RAB37: variants seen among roughly 807,000 people sequenced by gnomAD.
RAB37 encodes the protein RAB37, member RAS oncogene family, also known as ras-related protein Rab-37.
A neutral mutation model predicts 33.1 loss-of-function variants in RAB37; 29 were observed. The observed-to-expected ratio is 0.88, with a 90% confidence interval of 0.65 to 1.20. RAB37 has a LOEUF of 1.20. Ranked by LOEUF, RAB37 falls within the 50% of genes most tolerant of loss-of-function variation. The pLI is 0.00. For missense variants in RAB37, 299 were observed against 301.1 expected (o/e 0.99, Z 0.05); for synonymous variants, 128 against 119.5 (o/e 1.07, Z -0.47).
chr17:74,716,005 C>G (rs779556618), intron 1 of RAB37, among the ~76,000 whole-genome samples: 34 of 152,138 alleles, frequency 2.2e-4, no homozygotes, highest in Non-Finnish European at 3.7e-4. Context: ...ACTCCTCCAG[C>G]CTGGGTAACT....
rs117940242 is a variant in RAB37, at chr17:74,673,853, T to A, written c.72+2195T>A. Among the ~76,000 whole-genome samples, 18 of 152,242 alleles carry A rather than the reference T, an allele frequency of 1.2e-4. No homozygotes were observed. In the East Asian group the frequency reaches 3.5e-3, roughly 29 times the overall value. On this transcript the variant is annotated intron_variant, in intron 1 of 7. Transcript: ENST00000340415. ...GAGTGACATATGTATGTAAGGAAAG[T>A]TTTCCTTCTTATATAGTGCTGACAA...
In RAB37 at chr17:74,738,590, T is replaced by C. The variant is rs1279383332; in HGVS notation, c.93+1225T>C. Among the ~76,000 whole-genome samples, 3 of 152,116 alleles carry C rather than the reference T, an allele frequency of 2.0e-5. No individual in the cohort carries two copies. The highest frequency in any genetic ancestry group is 4.4e-5 in the Non-Finnish European group (3 of 68,010). On this transcript the variant is annotated intron_variant, in intron 1 of 8. Transcript: ENST00000392613. The surrounding 1 kb of genome is among the most constrained non-coding windows in gnomAD (Gnocchi z 5.0). Reference sequence around the variant, plus strand: ...CATCGTTTGCTCAAGGCAGCTGTGATCTGTAAAGTACACAAAGACTGGCCC... The same window carrying C: ...CATCGTTTGCTCAAGGCAGCTGTGACCTGTAAAGTACACAAAGACTGGCCC...
Position 74,729,135 on chromosome 17 carries a change from G to A in RAB37, c.73-121G>A, listed in dbSNP as rs1043208829. 7.0e-6 allele frequency: 5 copies of A among 715,576 alleles called. No individual in the cohort carries two copies. The highest frequency in any genetic ancestry group is 1.3e-5 in the Non-Finnish European group (5 of 382,922). 44.3% of individuals were successfully genotyped at this position (715,576 alleles called of 1,614,324 possible). A position where few individuals can be genotyped will look rare whatever the true frequency, so the allele number is the denominator to read the frequency against. On this transcript the variant is annotated intron_variant, in intron 1 of 7. Transcript: ENST00000340415. The surrounding 1 kb of genome is among the most constrained non-coding windows in gnomAD (Gnocchi z 4.2). The stretch of plus-strand genomic sequence containing the variant: ...GTCTTGTGTGTGTGTGTTTCTGTGT[G>A]TGTGTGTGCATGTTGTGCACATGCG...
intron 1 of RAB37, chr17:74,672,933 T>C (rs1405712033): frequency 6.6e-6 from 1 of 152,192 alleles, no homozygotes; most frequent in African/African-American, 2.4e-5. Context: ...AGGAAGCAGG[T>C]CTCTAGATCT....
chr17:74,686,654 A>T (rs2032060803), intron 1 of RAB37, among the ~76,000 whole-genome samples: 2 of 152,124 alleles, frequency 1.3e-5, no homozygotes, highest in Admixed American at 6.5e-5. Context: ...TAGCCCTCCC[A>T]AAGTGCTGGG....
At chr17:74,715,123 AAAAT>A (rs1306263174) in intron 1 of RAB37, among the ~76,000 whole-genome samples, 1 of 152,222 alleles carries the variant, frequency 6.6e-6, no homozygotes, top group East Asian at 1.9e-4. Context: ...ACTCCATCTC[AAAAT>A]AAATAAATAA....
chr17:74,729,144 C>T lies in RAB37; in HGVS notation c.73-112C>T, dbSNP rs2034352420. On this transcript the variant is annotated intron_variant, in intron 1 of 7. Coordinates refer to the RAB37 transcript ENST00000340415. This position sits in a 1 kb window ranked among gnomAD's most constrained non-coding sequence, Gnocchi z 4.2. ...GTGTGTGTTTCTGTGTGTGTGTGTG[C>T]ATGTTGTGCACATGCGTGCTTAGAA... 1.4e-6 allele frequency: 1 copy of T among 730,756 alleles called. No individual in the cohort carries two copies. The highest frequency in any genetic ancestry group is 2.6e-6 in the Non-Finnish European group (1 of 391,922). 45.3% of individuals were successfully genotyped at this position (730,756 alleles called of 1,614,324 possible). A position where few individuals can be genotyped will look rare whatever the true frequency, so the allele number is the denominator to read the frequency against.
chr17:74,680,226 G>C (rs2031925519), intron 1 of RAB37, among the ~76,000 whole-genome samples: 1 of 151,954 alleles, frequency 6.6e-6, no homozygotes, highest in Non-Finnish European at 1.5e-5. Flanking sequence ...ATCCAAGCAA[G>C]GTAGACAGGC....
intron 1 of RAB37, among the ~76,000 whole-genome samples, chr17:74,712,350 T>C (rs1220304861): frequency 6.6e-6 from 1 of 152,106 alleles, no homozygotes; most frequent in African/African-American, 2.4e-5. Context: ...CTTCTACTAT[T>C]TCCTTCTGCC....
chr17:74,677,104 C>T (rs1400766583), intron 1 of RAB37, among the ~76,000 whole-genome samples: 2 of 152,052 alleles, frequency 1.3e-5, no homozygotes, highest in East Asian at 3.9e-4. Flanking sequence ...GAGCTGAGAT[C>T]ACACCATTGC....
intron 1 of RAB37, among the ~76,000 whole-genome samples, chr17:74,698,839 C>A (rs896172788): frequency 1.3e-5 from 2 of 152,194 alleles, no homozygotes; most frequent in African/African-American, 4.8e-5. Flanking sequence ...TATAACAAAT[C>A]TGTACGTGTA....
upstream of RAB37, among the ~76,000 whole-genome samples, chr17:74,734,843 A>T (rs2034441997): frequency 6.6e-6 from 1 of 151,476 alleles, no homozygotes; most frequent in African/African-American, 2.4e-5. Context: ...GCTCCACCTC[A>T]AGAAAGAAAC....
intron 1 of RAB37, among the ~76,000 whole-genome samples, chr17:74,673,171 G>A (rs780608355): frequency 7.9e-5 from 12 of 152,120 alleles, no homozygotes; most frequent in East Asian, 3.9e-4. Flanking sequence ...TTGGGAGGCC[G>A]AGGCGGTGGA....
At chr17:74,715,619 A>G (rs2034155669) in intron 1 of RAB37, among the ~76,000 whole-genome samples, 2 of 152,206 alleles carry the variant, frequency 1.3e-5, no homozygotes, top group Non-Finnish European at 2.9e-5. Flanking sequence ...TCTCCTGGGC[A>G]TGAGCAACAA....
At position 74,745,767 on chromosome 17, in the gene RAB37, C is replaced by T. The variant is rs933762221; in HGVS notation, c.*356C>T. 2.3e-5 allele frequency: 5 copies of T among 221,368 alleles called. No homozygotes were observed. The highest frequency in any genetic ancestry group is 1.2e-4 in the African/African-American group (5 of 42,852). 13.7% of individuals were successfully genotyped at this position (221,368 alleles called of 1,614,324 possible). ...TAACAAAGGTGGTGTTGCTCCAGCT[C>T]AGCCCCAGGGGACACAGATGCACTT... On this transcript the variant is annotated 3_prime_UTR_variant, in exon 9 of 9. Transcript: ENST00000392613. The surrounding 1 kb of genome is among the most constrained non-coding windows in gnomAD (Gnocchi z 4.5).
rs779238660 is a variant in RAB37 at position 74,704,538 on chromosome 17, A to G, written c.73-24718A>G. ...TCATTTCCAGTTTTCTCAATTCCAC[A>G]CCAGTAAGTGTCAGCATCAGTTTTC... On this transcript the variant is annotated intron_variant, in intron 1 of 7. Transcript: ENST00000340415. 3.1e-6 allele frequency: 5 copies of G among 1,614,022 alleles called. No individual in the cohort carries two copies. In the Admixed American group the frequency reaches 8.3e-5, roughly 27 times the overall value.
intron 1 of RAB37, among the ~76,000 whole-genome samples, chr17:74,713,437 G>A (rs1467747683): frequency 1.3e-5 from 2 of 152,074 alleles, no homozygotes; most frequent in African/African-American, 4.8e-5. Flanking sequence ...AGCCACCGTG[G>A]GTTCTCTAAA....
intron 1 of RAB37, chr17:74,695,585 C>T: frequency 8.0e-7 from 1 of 1,252,004 alleles, no homozygotes; most frequent in African/African-American, 1.5e-5. Flanking sequence ...TAGGCGAGTC[C>T]TGCAGTGACT....
chr17:74,672,859 T>C (rs1206323856), intron 1 of RAB37: 2 of 152,240 alleles, frequency 1.3e-5, no homozygotes, highest in Non-Finnish European at 2.9e-5. Flanking sequence ...AATAAAGTTT[T>C]AGGTGCATGG....
Sources: allele counts gnomAD v4.1 joint callset (sites outside exome capture counted in the v4.1 genomes callset), GRCh38; gene constraint gnomAD v4.1.1; non-coding constraint Gnocchi (gnomAD v3.1); transcripts MANE v1.5; gene names NCBI Gene and HGNC (gene_info 2026-07-23, HGNC 2026-07-21).